Variants in ZNF821 observed in about 807,000 individuals in gnomAD.
ZNF821 encodes zinc finger protein 821.
A neutral mutation model predicts 44.3 loss-of-function variants in ZNF821; 16 were observed. The observed-to-expected ratio is 0.36, with a 90% CI of 0.24 to 0.55. ZNF821 has a LOEUF of 0.55. Ranked by LOEUF, ZNF821 falls within the 20% of genes least tolerant of loss-of-function variation. ZNF821 has a pLI of 0.86. For synonymous variants in ZNF821, 204 were observed against 197.6 expected (o/e 1.03, Z -0.27); for missense variants, 436 against 547.6 (o/e 0.80, Z 2.03).
chr16:71,873,899 T>C (rs1485775890), intron 3 of ZNF821, among the ~76,000 whole-genome samples: 3 of 151,608 alleles, frequency 2.0e-5, no homozygotes, highest in East Asian at 1.9e-4. Context: ...GCAATTCTCC[T>C]GTCTCAGACT....
intron 3 of ZNF821, among the ~76,000 whole-genome samples, chr16:71,869,558 T>C (rs1357294651): frequency 1.0e-5 from 1 of 99,478 alleles, no homozygotes; most frequent in African/African-American, 2.8e-5. Flanking sequence ...TAGGGATTAC[T>C]ATCTATATTT....
Position 71,868,006 on chromosome 16 carries a change from T to C in ZNF821, c.72A>G (p.Gln24=), listed in dbSNP as rs1268333814. The change falls in exon 4 of 8, where the codon CAA becomes CAG. Residue 24 remains glutamine (Q), a synonymous_variant. Transcript: ENST00000425432. The stretch of plus-strand genomic sequence containing the variant: ...CAGTTTTCATCATCGCCTGGCGGGC[T>C]TGCTCTTCTAGCCCAGCAAATACTT... ...WDQVFAGLEE[Q]ARQAMMKTDF... 2.0e-6 allele frequency: 3 copies of C among 1,535,808 alleles called. No individual in the cohort carries two copies. The African/African-American group carries it at 4.1e-5, about 21-fold the overall frequency.
chr16:71,887,691 T>G (rs2036866685), upstream of ZNF821, among the ~76,000 whole-genome samples: 1 of 152,232 alleles, frequency 6.6e-6, no homozygotes, highest in Non-Finnish European at 1.5e-5. Flanking sequence ...ATTGTTTGTC[T>G]TTGACATTAA....
At chr16:71,861,339 A>G (rs569827152) in intron 7 of ZNF821, among the ~76,000 whole-genome samples, 1 of 152,302 alleles carries the variant, frequency 6.6e-6, no homozygotes, top group African/African-American at 2.4e-5. Context: ...TCCTTCAGGC[A>G]AGGTGCAGAC....
Position 71,894,801 on chromosome 16 carries a change from C to G in ZNF821, n.448+88G>C, listed in dbSNP as rs1306305300. On this transcript the variant is annotated intron_variant and non_coding_transcript_variant, in intron 1 of 2. Transcript: ENST00000561700. ...TCCTCCCGCCCCGCCTCTCAAAGTG[C>G]TGGGAAGGTCCCTTCCAGGCTTAAG... 2.0e-6 allele frequency: 3 copies of G among 1,524,934 alleles called. No individual in the cohort carries two copies. The Admixed American group carries it at 5.9e-5, about 30-fold the overall frequency. 94.5% of individuals were successfully genotyped at this position (1,524,934 alleles called of 1,614,324 possible).
intron 3 of ZNF821, among the ~76,000 whole-genome samples, chr16:71,873,783 T>TATTG (rs983923852): frequency 2.0e-5 from 3 of 151,640 alleles, no homozygotes; most frequent in Non-Finnish European, 4.4e-5. Context: ...CCTCCTAAAG[T>TATTG]ATTGGGATTA....
chr16:71,870,981 C>T (rs1051922493), intron 3 of ZNF821, among the ~76,000 whole-genome samples: 3 of 152,224 alleles, frequency 2.0e-5, no homozygotes, highest in Non-Finnish European at 2.9e-5. Flanking sequence ...TAAGAATAAA[C>T]ATTCTATCCT....
At position 71,894,761 on chromosome 16, in the gene ZNF821, C is replaced by T. The variant is rs2036929125; in HGVS notation, n.448+128G>A. ...ATGGTGTCCAGGCTGGTCTGCAACT[C>T]CCGGGCTCAAGCGATCCTCCCGCCC... On this transcript the variant is annotated intron_variant and non_coding_transcript_variant, in intron 1 of 2. Transcript: ENST00000561700. 2.7e-6 allele frequency: 3 copies of T among 1,093,944 alleles called. No individual in the cohort carries two copies. The Admixed American group carries it at 6.3e-5, about 23-fold the overall frequency. The allele number at this position is 1,093,944 out of a possible 1,614,324, so 67.8% of individuals were successfully genotyped here.
chr16:71,876,036 A>T (rs1048476224), intron 3 of ZNF821, among the ~76,000 whole-genome samples: 2 of 152,182 alleles, frequency 1.3e-5, no homozygotes, highest in African/African-American at 4.8e-5. Flanking sequence ...GCCTTACTAC[A>T]ATCACACCAT....
intron 2 of ZNF821, chr16:71,882,350 T>C (rs182777635): frequency 2.7e-5 from 4 of 149,574 alleles, no homozygotes; most frequent in Non-Finnish European, 5.9e-5. Flanking sequence ...AGGCTAAATA[T>C]ATATATACTC....
At chr16:71,880,172 GAATA>G (rs1458642186) in intron 2 of ZNF821, 149 bp from the exon 3 acceptor site, 1 of 438,254 alleles carries the variant, frequency 2.3e-6, no homozygotes, top group Admixed American at 4.1e-5. Flanking sequence ...AGAAAGAAAT[GAATA>G]AATCTCTAGC....
chr16:71,891,903 G>C (rs977767125), intron 1 of ZNF821, among the ~76,000 whole-genome samples: 1 of 148,978 alleles, frequency 6.7e-6, no homozygotes, highest in Admixed American at 7.0e-5. Flanking sequence ...GGCTGAGGCA[G>C]CAGAATCGCT....
chr16:71,869,679 C>T (rs1319904542), intron 3 of ZNF821, among the ~76,000 whole-genome samples: 1 of 152,102 alleles, frequency 6.6e-6, no homozygotes, highest in Non-Finnish European at 1.5e-5. Context: ...ATTCTCTCCT[C>T]CAGGCTAGAG....
chr16:71,894,451 G>A (rs2142506673), intron 1 of ZNF821: 1 of 175,598 alleles, frequency 5.7e-6, no homozygotes, highest in Non-Finnish European at 1.2e-5. Flanking sequence ...CCTCTGTGTT[G>A]GCCAGGCTGG....
intron 3 of ZNF821, among the ~76,000 whole-genome samples, chr16:71,877,020 C>A (rs1402678691): frequency 1.3e-5 from 2 of 152,202 alleles, no homozygotes; most frequent in Non-Finnish European, 2.9e-5. Context: ...TATTAAGTAG[C>A]CTTTGCACAC....
At chr16:71,875,678 G>A (rs757583601) in intron 3 of ZNF821, among the ~76,000 whole-genome samples, 30 of 152,056 alleles carry the variant, frequency 2.0e-4, no homozygotes, top group Non-Finnish European at 3.7e-4. Context: ...TAGCCAGGAT[G>A]GTCTCGATCT....
At chr16:71,863,300 A>T (rs547442414) in intron 6 of ZNF821, among the ~76,000 whole-genome samples, 1 of 152,224 alleles carries the variant, frequency 6.6e-6, no homozygotes, top group Admixed American at 6.5e-5. Flanking sequence ...TAGAAAAAAA[A>T]TCACTTAATT....
chr16:71,876,343 A>T (rs1401617573), intron 3 of ZNF821, among the ~76,000 whole-genome samples: 1 of 151,692 alleles, frequency 6.6e-6, no homozygotes, highest in Non-Finnish European at 1.5e-5. Flanking sequence ...AGCTGGGATT[A>T]CAGGCACCCG....
chr16:71,859,763 T>C lies in ZNF821; in HGVS notation c.*255A>G. 1 of 512,602 alleles carries C rather than the reference T, an allele frequency of 2.0e-6. No individual in the cohort carries two copies. The highest frequency in any genetic ancestry group is 3.4e-6 in the Non-Finnish European group (1 of 291,678). 31.8% of individuals were successfully genotyped at this position (512,602 alleles called of 1,614,324 possible). On this transcript the variant is annotated 3_prime_UTR_variant, in exon 8 of 8. Transcript: ENST00000425432. ...CCCACAGTCCTAGAAGCACAGCCTG[T>C]GGCAGTGGGCTGGGGAGGCCAGTTC...
Sources: gnomAD v4.1 joint callset for allele counts (sites outside exome capture counted in the v4.1 genomes callset) on GRCh38, gnomAD v4.1.1 for gene constraint, MANE v1.5 for transcripts, NCBI Gene and HGNC (gene_info 2026-07-23, HGNC 2026-07-21) for gene names.